Variants in CLIP4 observed in about 807,000 individuals in gnomAD.
CLIP4 encodes CAP-Gly domain-containing linker protein 4.
In CLIP4, 47 loss-of-function variants were observed where a neutral mutation model predicts 73.1. The ratio of observed to expected loss-of-function variants is 0.64; its 90% CI spans 0.51 to 0.82. The LOEUF (loss-of-function observed/expected upper bound fraction) is 0.82. Ranked by LOEUF, CLIP4 falls within the 40% of genes least tolerant of loss-of-function variation. CLIP4 has a pLI of 0.00. For synonymous variants in CLIP4, 306 were observed against 295.4 expected (o/e 1.04, Z -0.37); for missense variants, 874 against 852.9 (o/e 1.02, Z -0.31).
chr2:29,132,771 G>A (rs1432990570), intron 4 of CLIP4: 1 of 152,444 alleles, frequency 6.6e-6, no homozygotes, highest in Non-Finnish European at 1.5e-5. Flanking sequence ...TACTGGTGGT[G>A]ATGGACTCCT....
At chr2:29,126,340 C>T (rs1305090336) in intron 2 of CLIP4, among the ~76,000 whole-genome samples, 1 of 152,178 alleles carries the variant, frequency 6.6e-6, no homozygotes, top group African/African-American at 2.4e-5. Flanking sequence ...GTTATGTTCT[C>T]ATTCTGGGTT....
In CLIP4 at chr2:29,143,604, A is replaced by G. The variant is rs78324645; in HGVS notation, c.649-105A>G. 0.011 allele frequency: 8,174 copies of G among 778,048 alleles called. 439 individuals are homozygous for G. The African/African-American group carries it at 0.12, about 12-fold the overall frequency. The allele number at this position is 778,048 out of a possible 1,614,324, so 48.2% of individuals were successfully genotyped here. On this transcript the variant is annotated intron_variant, in intron 6 of 15. Transcript: ENST00000320081. ...GTTCAGGAAATGTTTTTGAATAAAC[A>G]AATGATGAATGAATTTAACGTAAAG...
At position 29,183,171 on chromosome 2, in the gene CLIP4, A is replaced by G. The variant is rs1211043094; in HGVS notation, c.*1278A>G. On this transcript the variant is annotated 3_prime_UTR_variant, in exon 16 of 16. Transcript: ENST00000320081. ...TTATGTCCTGTCTGTGTAAAGATTCATCTTTTATTGTAAATATTTAGACTT... is the reference window on the plus strand; with the variant it reads ...TTATGTCCTGTCTGTGTAAAGATTCGTCTTTTATTGTAAATATTTAGACTT... 1.3e-5 allele frequency: 2 copies of G among 152,632 alleles called. No homozygotes were observed. Among genetic ancestry groups the G allele is most frequent in the Non-Finnish European group, 1.5e-5 (1 of 68,030 alleles). The allele number at this position is 152,632 out of a possible 1,614,324, so 9.5% of individuals were successfully genotyped here. A position where few individuals can be genotyped will look rare whatever the true frequency, so the allele number is the denominator to read the frequency against.
intron 2 of CLIP4, among the ~76,000 whole-genome samples, 187 bp from the exon 3 acceptor site, chr2:29,131,071 G>C (rs79643436): frequency 3.6e-3 from 546 of 152,040 alleles, no homozygotes; most frequent in African/African-American, 0.012. Flanking sequence ...GTGTTGGTGA[G>C]GATTTTTAAA....
At chr2:29,151,531 A>T (rs1666567376) in intron 8 of CLIP4, among the ~76,000 whole-genome samples, 1 of 38,516 alleles carries the variant, frequency 2.6e-5, no homozygotes, top group South Asian at 4.8e-4. Flanking sequence ...AAATAAGTTT[A>T]AAAAAGATAA....
intron 13 of CLIP4, among the ~76,000 whole-genome samples, chr2:29,166,113 C>G (rs1213821665): frequency 6.6e-6 from 1 of 152,104 alleles, no homozygotes; most frequent in African/African-American, 2.4e-5. Context: ...GCTAGGCATT[C>G]TATAAGCGAA....
chr2:29,132,196 A>G lies in CLIP4; in HGVS notation c.318A>G (p.Thr106=). ...GCNVNDRDGL[T]DMTLLHYTCK... ...ATGTGAATGATAGAGATGGATTGACAGATATGACTCTTTTACATTATACCT... is the reference window on the plus strand; with the variant it reads ...ATGTGAATGATAGAGATGGATTGACGGATATGACTCTTTTACATTATACCT... The change falls in exon 4 of 16, where the codon ACA becomes ACG. Residue 106 remains threonine, a synonymous_variant. Transcript: ENST00000320081. The G allele has an allele frequency of 2.5e-6, 4 of 1,613,878 alleles. No individual in the cohort carries two copies. The highest frequency in any genetic ancestry group is 2.5e-6 in the Non-Finnish European group (3 of 1,179,832).
In CLIP4 at chr2:29,161,423, T is replaced by TA. The variant is rs568888856; in HGVS notation, c.1534+968dup. Among the ~76,000 whole-genome samples, 967 of 145,602 alleles carry TA rather than the reference T, an allele frequency of 6.6e-3. 11 individuals carry two copies. The highest frequency in any genetic ancestry group is 0.023 in the African/African-American group (904 of 39,922). ...GGAAAAGGTTATCTAGAACATTGAT[T>TA]AAAAAAAAAAAAGTTTGTAGCATTT... is the stretch of plus-strand genomic sequence containing the variant. On this transcript the variant is annotated intron_variant, in intron 12 of 15. Transcript: ENST00000320081.
At chr2:29,165,104 C>T (rs530354322) in intron 13 of CLIP4, among the ~76,000 whole-genome samples, 2 of 152,234 alleles carry the variant, frequency 1.3e-5, no homozygotes, top group East Asian at 1.9e-4. Flanking sequence ...GGATCATTCC[C>T]ATTTTGCAGA....
intron 11 of CLIP4, among the ~76,000 whole-genome samples, chr2:29,158,768 T>C (rs908449530): frequency 2.0e-5 from 3 of 152,160 alleles, no homozygotes; most frequent in East Asian, 1.9e-4. Context: ...CCCATTGTTA[T>C]TTACTTTTTA....
At chr2:29,130,440 A>T (rs562135669) in intron 2 of CLIP4, among the ~76,000 whole-genome samples, 64 of 152,322 alleles carry the variant, frequency 4.2e-4, no homozygotes, top group Middle Eastern at 6.8e-3. Flanking sequence ...GGGTTAGTTT[A>T]GTCATTACTG....
At chr2:29,110,408 TATC>T (rs984069669) in intron 1 of CLIP4, among the ~76,000 whole-genome samples, 30 of 152,312 alleles carry the variant, frequency 2.0e-4, no homozygotes, top group Middle Eastern at 6.8e-3. Context: ...TAATAAATGA[TATC>T]ATAAACTTTT....
exon 1 of CLIP4, chr2:29,097,734 G>A (rs1170489360): frequency 6.6e-6 from 1 of 152,230 alleles, no homozygotes; most frequent in Non-Finnish European, 1.5e-5. Flanking sequence ...CTCAAAGGAG[G>A]ACTCTAAGGG....
intron 6 of CLIP4, among the ~76,000 whole-genome samples, chr2:29,140,946 C>T (rs1314238826): frequency 6.6e-6 from 1 of 152,092 alleles, no homozygotes; most frequent in Non-Finnish European, 1.5e-5. Context: ...TGAGACCTCC[C>T]TGTCTTCTTG....
At chr2:29,153,599 A>G (rs1226492372) in intron 9 of CLIP4, among the ~76,000 whole-genome samples, 1 of 152,108 alleles carries the variant, frequency 6.6e-6, no homozygotes, top group Non-Finnish European at 1.5e-5. Flanking sequence ...AAAATTTTAA[A>G]CTTTAACTGA....
At chr2:29,123,762 G>A (rs779963864) in intron 2 of CLIP4, among the ~76,000 whole-genome samples, 4 of 152,156 alleles carry the variant, frequency 2.6e-5, no homozygotes, top group Non-Finnish European at 4.4e-5. Flanking sequence ...GGCCCCCATA[G>A]GGAATTTTTA....
intron 15 of CLIP4, chr2:29,175,331 C>T (rs1668263436): frequency 6.6e-6 from 1 of 152,190 alleles, no homozygotes; most frequent in South Asian, 2.1e-4. Context: ...TCCTCAAAAC[C>T]ATCACCAATT....
chr2:29,171,173 A>G (rs1667976979), intron 14 of CLIP4, among the ~76,000 whole-genome samples: 1 of 152,244 alleles, frequency 6.6e-6, no homozygotes, highest in African/African-American at 2.4e-5. Flanking sequence ...CATTGACTAT[A>G]TAGATCAAGT....
intron 2 of CLIP4, among the ~76,000 whole-genome samples, chr2:29,126,016 A>G (rs1199314208): frequency 6.6e-6 from 1 of 152,068 alleles, no homozygotes; most frequent in East Asian, 1.9e-4. Flanking sequence ...CTCTACTAAA[A>G]ATACAAAAAT....
Sources: gnomAD v4.1 joint callset for allele counts (sites outside exome capture counted in the v4.1 genomes callset) on GRCh38, gnomAD v4.1.1 for gene constraint, MANE v1.5 for transcripts, NCBI Gene and HGNC (gene_info 2026-07-23, HGNC 2026-07-21) for gene names.